TRIM24: variants seen among roughly 807,000 people sequenced by gnomAD.
TRIM24 encodes the protein tripartite motif containing 24.
TRIM24 carries 29 observed loss-of-function variants against 123.9 expected under a neutral mutation model. That is an observed-to-expected ratio of 0.23 (90% CI 0.17 to 0.32). TRIM24 has a LOEUF of 0.32. Ranked by LOEUF, TRIM24 falls within the 10% of genes least tolerant of loss-of-function variation. The pLI, the probability that TRIM24 is intolerant of heterozygous loss-of-function variation, is 1.00. For synonymous variants in TRIM24, 456 were observed against 461.1 expected, an observed-to-expected ratio of 0.99 and a Z score of 0.14; for missense variants, 932 against 1,295.3, an observed-to-expected ratio of 0.72 and a Z score of 4.31.
chr7:138,460,544 G>A lies in TRIM24; in HGVS notation c.-5G>A. 7 of 1,305,394 alleles carry A rather than the reference G, an allele frequency of 5.4e-6. No homozygotes were observed. Among genetic ancestry groups the A allele is most frequent in the Non-Finnish European group, 6.8e-6 (7 of 1,036,938 alleles). 80.9% of individuals were successfully genotyped at this position (1,305,394 alleles called of 1,614,324 possible). On this transcript the variant is annotated 5_prime_UTR_variant, in exon 1 of 19. Transcript: ENST00000343526. ...CGCTTCCCCGGCGGCGGCAAGGGCA[G>A]GACAATGGAGGTGGCGGTGGAGAAG...
chr7:138,461,298 T>G, intron 1 of TRIM24: 3 of 539,548 alleles, frequency 5.6e-6, no homozygotes, highest in Non-Finnish European at 1.1e-5. Flanking sequence ...CAAAGCTTTG[T>G]CCAGGTCCAT....
chr7:138,523,049 T>C (rs1796536010), intron 4 of TRIM24, among the ~76,000 whole-genome samples: 1 of 152,162 alleles, frequency 6.6e-6, no homozygotes, highest in Admixed American at 6.5e-5. Flanking sequence ...TTAGGGAAAG[T>C]AGGTAATTAA....
At chr7:138,510,916 T>A (rs1796272044) in intron 2 of TRIM24, among the ~76,000 whole-genome samples, 1 of 152,222 alleles carries the variant, frequency 6.6e-6, no homozygotes. Flanking sequence ...TCTATCCCTG[T>A]CTTGTCTACC....
chr7:138,490,427 G>A (rs944334757), intron 1 of TRIM24, among the ~76,000 whole-genome samples: 6 of 152,148 alleles, frequency 3.9e-5, no homozygotes, highest in Admixed American at 3.9e-4. Context: ...TGGAGAAGAG[G>A]CGCTCTGGTT....
chr7:138,532,019 A>G (rs944467320), intron 6 of TRIM24, among the ~76,000 whole-genome samples: 1 of 151,994 alleles, frequency 6.6e-6, no homozygotes, highest in African/African-American at 2.4e-5. Context: ...ATGTCTTTAG[A>G]GAAGTGTCTG....
At position 138,587,032 on chromosome 7, in the gene TRIM24, G is replaced by C. The variant is rs1798031760; in HGVS notation, c.*2081G>C. The C allele has an allele frequency of 6.6e-6, 1 of 152,048 alleles. No individual in the cohort carries two copies. The highest frequency in any genetic ancestry group is 1.5e-5 in the Non-Finnish European group (1 of 68,034). 9.4% of individuals were successfully genotyped at this position (152,048 alleles called of 1,614,324 possible). A position where few individuals can be genotyped will look rare whatever the true frequency, so the allele number is the denominator to read the frequency against. On this transcript the variant is annotated 3_prime_UTR_variant, in exon 19 of 19. Coordinates refer to ENST00000343526, the MANE Select transcript of TRIM24 (RefSeq NM_015905.3). ...AAAGGCAGTTGAGAACCATCTTTTGGTCATACATAATATAATTATATTAAA... is the reference window on the plus strand; with the variant it reads ...AAAGGCAGTTGAGAACCATCTTTTGCTCATACATAATATAATTATATTAAA...
intron 9 of TRIM24, among the ~76,000 whole-genome samples, chr7:138,559,986 G>A (rs781773485): frequency 1.3e-5 from 2 of 152,158 alleles, no homozygotes; most frequent in South Asian, 2.1e-4. Context: ...CCTTCTTAAG[G>A]TTAATTCCCC....
chr7:138,550,356 C>T (rs752924231), intron 7 of TRIM24, among the ~76,000 whole-genome samples: 7 of 150,438 alleles, frequency 4.7e-5, no homozygotes, highest in Non-Finnish European at 8.9e-5. Flanking sequence ...CAAAGTCTTA[C>T]AGGACCTGGT....
Position 138,573,659 on chromosome 7 carries a change from T to C in TRIM24, c.2014+17T>C. On this transcript the variant is annotated intron_variant, in intron 12 of 18. Transcript: ENST00000343526. ...GCCTTGCAGGTAAAGTGGGCTTCTTTTGATTTTTGTGAAAGTTTTTCTAGT... is the reference window on the plus strand; with the variant it reads ...GCCTTGCAGGTAAAGTGGGCTTCTTCTGATTTTTGTGAAAGTTTTTCTAGT... The C allele has an allele frequency of 6.3e-7, 1 of 1,586,512 alleles. No individual in the cohort carries two copies.
rs568562414 is a variant in TRIM24 at position 138,463,989 on chromosome 7, C to CTTTT, written c.364+3097_364+3100dup. Reference sequence around the variant, plus strand: ...ATACTAGCTGAAGCAAAAATTTAGACTTTTTTTTTTTTTTTTTTTTTTTGA... The same window carrying CTTTT: ...ATACTAGCTGAAGCAAAAATTTAGACTTTTTTTTTTTTTTTTTTTTTTTTTTTGA... On this transcript the variant is annotated intron_variant, in intron 1 of 18. Transcript: ENST00000343526. Among the ~76,000 whole-genome samples, 200 of 50,744 alleles carry CTTTT rather than the reference C, an allele frequency of 3.9e-3. 45 individuals carry two copies. Among genetic ancestry groups the CTTTT allele is most frequent in the African/African-American group, 7.7e-3 (94 of 12,198 alleles). The allele number at this position is 50,744 out of a possible 152,430, so 33.3% of individuals were successfully genotyped here. A position where few individuals can be genotyped will look rare whatever the true frequency, so the allele number is the denominator to read the frequency against.
intron 17 of TRIM24, 78 bp from the exon 18 acceptor site, chr7:138,583,772 A>T: frequency 9.7e-7 from 1 of 1,030,484 alleles, no homozygotes; most frequent in Non-Finnish European, 1.4e-6. Flanking sequence ...TCTGAATTTT[A>T]GAGCACATCT....
chr7:138,520,979 A>G (rs1008773722), intron 4 of TRIM24, among the ~76,000 whole-genome samples: 4 of 152,244 alleles, frequency 2.6e-5, no homozygotes, highest in Non-Finnish European at 5.9e-5. Flanking sequence ...GACGAAAGGC[A>G]TTCAGCCCAT....
At chr7:138,537,342 C>T (rs143841646) in intron 6 of TRIM24, among the ~76,000 whole-genome samples, 489 of 137,728 alleles carry the variant, frequency 3.6e-3, no homozygotes, top group African/African-American at 0.012. Context: ...TGTTCTTATT[C>T]GGCCATCTTG....
At chr7:138,563,053 T>C (rs1342652854) in intron 9 of TRIM24, among the ~76,000 whole-genome samples, 2 of 152,152 alleles carry the variant, frequency 1.3e-5, no homozygotes, top group East Asian at 3.9e-4. Flanking sequence ...AATAGTTGTA[T>C]AGTTTTTGGA....
At chr7:138,536,818 G>C (rs189514023) in intron 6 of TRIM24, among the ~76,000 whole-genome samples, 1 of 152,230 alleles carries the variant, frequency 6.6e-6, no homozygotes, top group East Asian at 1.9e-4. Flanking sequence ...CAGAGGTGGC[G>C]TCTGCAGAGG....
Position 138,586,216 on chromosome 7 carries a change from A to G in TRIM24, c.*1265A>G. 1.4e-5 allele frequency: 3 copies of G among 215,640 alleles called. No homozygotes were observed. In the South Asian group the frequency reaches 2.2e-4, roughly 16 times the overall value. 13.4% of individuals were successfully genotyped at this position (215,640 alleles called of 1,614,324 possible). On this transcript the variant is annotated 3_prime_UTR_variant, in exon 19 of 19. Transcript: ENST00000343526. ...ATAGATAGAAGAAAATTGCTGTGCCATACATTAATCCAGCATTTGACACAA... is the reference window on the plus strand; with the variant it reads ...ATAGATAGAAGAAAATTGCTGTGCCGTACATTAATCCAGCATTTGACACAA...
At chr7:138,511,171 G>T (rs1225964714) in intron 2 of TRIM24, among the ~76,000 whole-genome samples, 2 of 152,208 alleles carry the variant, frequency 1.3e-5, no homozygotes, top group Non-Finnish European at 2.9e-5. Context: ...GCTGGCATCT[G>T]CTCAGCTTCT....
At chr7:138,532,274 A>T (rs867288083) in intron 6 of TRIM24, among the ~76,000 whole-genome samples, 2,676 of 151,036 alleles carry the variant, frequency 0.018, 65 homozygotes, top group African/African-American at 0.06. Flanking sequence ...GGTGTTTTAG[A>T]CATGAAGTCC....
chr7:138,502,109 T>TTTGTAGCC (rs1419343950), intron 1 of TRIM24, among the ~76,000 whole-genome samples: 3 of 152,202 alleles, frequency 2.0e-5, no homozygotes, highest in Non-Finnish European at 4.4e-5. Flanking sequence ...TCAGAATTTA[T>TTTGTAGCC]TTGTAGCCTT....
Sources: allele counts gnomAD v4.1 joint callset (sites outside exome capture counted in the v4.1 genomes callset), GRCh38; gene constraint gnomAD v4.1.1; transcripts MANE v1.5; gene names NCBI Gene and HGNC (gene_info 2026-07-23, HGNC 2026-07-21).